PDE3A: variants seen among roughly 807,000 people sequenced by gnomAD.
The protein encoded by PDE3A is cGMP-inhibited 3',5'-cyclic phosphodiesterase 3A.
A neutral mutation model predicts 98.3 loss-of-function variants in PDE3A; 43 were observed. The observed-to-expected ratio is 0.44, with a 90% confidence interval of 0.34 to 0.56. The LOEUF is 0.56. PDE3A is among the 20% of genes least tolerant of loss of function. The probability of loss-of-function intolerance (pLI) is 0.01; values close to 1 mark genes in which losing one functional copy is unlikely to be tolerated. For synonymous variants in PDE3A, 663 were observed against 567.9 expected, an observed-to-expected ratio of 1.17 and a Z score of -2.38; for missense variants, 1,427 against 1,440.7, an observed-to-expected ratio of 0.99 and a Z score of 0.15.
intron 1 of PDE3A, among the ~76,000 whole-genome samples, chr12:20,475,178 AGTGTGT>A (rs71442249): frequency 0.13 from 12,262 of 92,342 alleles, 638 homozygotes; most frequent in Non-Finnish European, 0.19. Context: ...AATGTGTGTG[AGTGTGT>A]GTGTGTGTGT....
chr12:20,632,290 G>A (rs7977905), intron 6 of PDE3A, among the ~76,000 whole-genome samples: 60,993 of 151,928 alleles, frequency 0.4, 12,563 homozygotes, highest in African/African-American at 0.5. Context: ...GAAAAGTAAA[G>A]TTACTTAGTA....
intron 2 of PDE3A, among the ~76,000 whole-genome samples, chr12:20,606,851 CA>C (rs370189687): frequency 0.013 from 983 of 74,650 alleles, 7 homozygotes; most frequent in East Asian, 0.037. Flanking sequence ...AGCTCCATCT[CA>C]AAAAAAAAAA....
intron 1 of PDE3A, among the ~76,000 whole-genome samples, chr12:20,386,698 A>T (rs1943816460): frequency 6.6e-6 from 1 of 151,892 alleles, no homozygotes; most frequent in South Asian, 2.1e-4. Flanking sequence ...TGTCAGATGA[A>T]TAGATTGCAA....
At chr12:20,629,170 C>CCAA (rs972004792) in intron 5 of PDE3A, among the ~76,000 whole-genome samples, 2 of 152,118 alleles carry the variant, frequency 1.3e-5, no homozygotes, top group African/African-American at 4.8e-5. Context: ...TCCTGGTCTT[C>CCAA]CAACAGCCAC....
intron 2 of PDE3A, among the ~76,000 whole-genome samples, chr12:20,586,359 A>G (rs375226171): frequency 6.6e-6 from 1 of 152,180 alleles, no homozygotes. Flanking sequence ...ACCTCCGCCA[A>G]ACCTCTCACG....
chr12:20,669,207 C>T (rs1352806558), intron 15 of PDE3A, among the ~76,000 whole-genome samples: 4 of 151,272 alleles, frequency 2.6e-5, no homozygotes, highest in African/African-American at 9.7e-5. Context: ...TGTGAAAAGA[C>T]CAAATCTACG....
rs182716557 is a variant in PDE3A at position 20,489,222 on chromosome 12, C to T, written c.961-67438C>T. Reference sequence around the variant, plus strand: ...GGACTTCGTATTTTATTTTCATTTGCGTGCATGGACAAGAGAATGGATGCA... The same window carrying T: ...GGACTTCGTATTTTATTTTCATTTGTGTGCATGGACAAGAGAATGGATGCA... On this transcript the variant is annotated intron_variant, in intron 1 of 15. Transcript: ENST00000359062. 2.8e-3 allele frequency among the ~76,000 whole-genome samples: 419 copies of T among 152,130 alleles called. 1 individual carries two copies. Among genetic ancestry groups the T allele is most frequent in the Non-Finnish European group, 4.2e-3 (288 of 68,004 alleles).
At chr12:20,661,391 CA>C (rs1945166611) in intron 15 of PDE3A, among the ~76,000 whole-genome samples, 1 of 152,194 alleles carries the variant, frequency 6.6e-6, no homozygotes, top group African/African-American at 2.4e-5. Flanking sequence ...AAGCGAGCTG[CA>C]GAAATTTGCA....
intron 15 of PDE3A, among the ~76,000 whole-genome samples, chr12:20,659,722 G>A (rs1321518604): frequency 3.9e-5 from 6 of 152,134 alleles, no homozygotes; most frequent in Non-Finnish European, 7.3e-5. Context: ...CAGGCAGCAT[G>A]AGCCACCATA....
chr12:20,567,620 A>C (rs570961373), intron 2 of PDE3A, among the ~76,000 whole-genome samples: 3 of 151,604 alleles, frequency 2.0e-5, no homozygotes, highest in Non-Finnish European at 4.4e-5. Flanking sequence ...ACTCCCCCCC[A>C]CTTCCTCCCT....
chr12:20,628,624 G>T (rs754310528), intron 5 of PDE3A, among the ~76,000 whole-genome samples: 15 of 152,122 alleles, frequency 9.9e-5, no homozygotes, highest in Non-Finnish European at 1.9e-4. Flanking sequence ...CTGGGAGGGG[G>T]TTGAGCTGCT....
intron 1 of PDE3A, among the ~76,000 whole-genome samples, chr12:20,426,944 G>T (rs1245466917): frequency 6.6e-6 from 1 of 152,168 alleles, no homozygotes; most frequent in Admixed American, 6.5e-5. Context: ...TGCATGGATG[G>T]TTAAAATTAG....
At chr12:20,463,112 G>A (rs763973014) in intron 1 of PDE3A, among the ~76,000 whole-genome samples, 1 of 152,090 alleles carries the variant, frequency 6.6e-6, no homozygotes, top group Non-Finnish European at 1.5e-5. Context: ...AATTATCTCA[G>A]TTATAGGACA....
At chr12:20,632,052 G>C (rs920111556) in intron 6 of PDE3A, among the ~76,000 whole-genome samples, 2 of 152,126 alleles carry the variant, frequency 1.3e-5, no homozygotes, top group Non-Finnish European at 2.9e-5. Flanking sequence ...CATATTTGAA[G>C]TACTAATTTA....
At chr12:20,467,589 C>T (rs927017435) in intron 1 of PDE3A, among the ~76,000 whole-genome samples, 1 of 152,018 alleles carries the variant, frequency 6.6e-6, no homozygotes, top group Non-Finnish European at 1.5e-5. Flanking sequence ...ACTTCTTCCA[C>T]ATTTTAAAGA....
chr12:20,637,334 T>C (rs1944539343), intron 9 of PDE3A, 97 bp downstream of exon 9: 1 of 829,684 alleles, frequency 1.2e-6, no homozygotes, highest in African/African-American at 1.8e-5. Flanking sequence ...TGGATAGGTG[T>C]TATGTGGAGA....
At chr12:20,578,508 C>CACACACACAT (rs144461743) in intron 2 of PDE3A, among the ~76,000 whole-genome samples, 1 of 149,428 alleles carries the variant, frequency 6.7e-6, no homozygotes, top group African/African-American at 2.5e-5. Context: ...CACACACACA[C>CACACACACAT]GTAGTACTCA....
chr12:20,373,105 T>C (rs912860320), intron 1 of PDE3A, among the ~76,000 whole-genome samples: 2 of 152,148 alleles, frequency 1.3e-5, no homozygotes, highest in Non-Finnish European at 2.9e-5. Flanking sequence ...AGTGGAAATA[T>C]CTTTATTCTC....
chr12:20,404,151 T>A (rs1434040752), intron 1 of PDE3A, among the ~76,000 whole-genome samples: 1 of 152,186 alleles, frequency 6.6e-6, no homozygotes, highest in Non-Finnish European at 1.5e-5. Flanking sequence ...TAAACTAAAA[T>A]AGAGCATAAT....
Sources: allele counts gnomAD v4.1 joint callset (sites outside exome capture counted in the v4.1 genomes callset), GRCh38; gene constraint gnomAD v4.1.1; transcripts MANE v1.5; gene names NCBI Gene and HGNC (gene_info 2026-07-23, HGNC 2026-07-21).